Variants in TCF12 observed in about 807,000 individuals in gnomAD.
The protein encoded by TCF12 is DNA-binding protein HTF4.
Under a neutral mutation model 86.0 loss-of-function variants are expected in TCF12, and 45 were observed. The ratio of observed to expected loss-of-function variants is 0.52; its 90% CI spans 0.41 to 0.67. TCF12 has a LOEUF of 0.67. TCF12 is among the 30% of genes least tolerant of loss of function. The pLI is 0.00. For missense variants in TCF12, 881 were observed against 859.9 expected, an observed-to-expected ratio of 1.02 and a Z score of -0.31; for synonymous variants, 330 against 299.6, an observed-to-expected ratio of 1.10 and a Z score of -1.05.
intron 4 of TCF12, among the ~76,000 whole-genome samples, chr15:57,071,441 T>TA (rs1161021134): frequency 2.0e-5 from 3 of 152,032 alleles, no homozygotes; most frequent in Non-Finnish European, 4.4e-5. Context: ...GTCCAGGAGT[T>TA]CAACACCAGC....
At chr15:56,990,151 C>CTTTTTTTTTTTTTTTTTTTTTTTT (rs372235874) in intron 3 of TCF12, among the ~76,000 whole-genome samples, 1 of 92,724 alleles carries the variant, frequency 1.1e-5, no homozygotes, top group Non-Finnish European at 2.2e-5. Flanking sequence ...ATAGTCTTGT[C>CTTTTTTTTTTTTTTTTTTTTTTTT]TTTTTTTTTT....
In TCF12 at chr15:57,197,577, AT is replaced by A. The variant is rs550924084; in HGVS notation, c.527-195del. Among the ~76,000 whole-genome samples the A allele has an allele frequency of 8.2e-4, 125 of 152,306 alleles. 2 individuals carry two copies. The South Asian group carries it at 0.025, about 31-fold the overall frequency. ...TATGGGATATGTATTTTCAGAATGT[AT>A]CACTTTTTTAGGAGAACCTGTTTTT... On this transcript the variant is annotated intron_variant, in intron 7 of 20. Transcript: ENST00000333725.
At chr15:57,219,628 T>C in intron 8 of TCF12, 1 of 1,598,008 alleles carries the variant, frequency 6.3e-7, no homozygotes, top group Non-Finnish European at 8.6e-7. Context: ...AACTCACTTG[T>C]TTAAAGGAAA....
Position 56,919,762 on chromosome 15 carries a change from G to C in TCF12, c.-22-130G>C, listed in dbSNP as rs2059691836. On this transcript the variant is annotated intron_variant, in intron 1 of 20. Coordinates refer to ENST00000333725, the MANE Select transcript of TCF12 (RefSeq NM_207037.2). ...CCCTTGCTCGCGCCGCGGTGGGAGC[G>C]AGTCGGGGTCCTGGAAGTCATCCCG... is the stretch of plus-strand genomic sequence containing the variant. 7.0e-6 allele frequency: 5 copies of C among 713,548 alleles called. 1 individual carries two copies. The South Asian group carries it at 9.9e-5, about 14-fold the overall frequency. 44.2% of individuals were successfully genotyped at this position (713,548 alleles called of 1,614,324 possible).
chr15:57,003,133 A>G (rs984406731), intron 3 of TCF12, among the ~76,000 whole-genome samples: 58 of 152,262 alleles, frequency 3.8e-4, no homozygotes, highest in African/African-American at 1.3e-3. Context: ...CCACTTTTCT[A>G]TGGGTTGAGG....
At chr15:57,144,740 A>G (rs980321593) in intron 5 of TCF12, among the ~76,000 whole-genome samples, 7 of 152,168 alleles carry the variant, frequency 4.6e-5, no homozygotes, top group Admixed American at 1.3e-4. Context: ...CTGGGACTAC[A>G]GTCACACATC....
chr15:57,110,832 G>T (rs1293736998), intron 5 of TCF12, among the ~76,000 whole-genome samples: 1 of 152,154 alleles, frequency 6.6e-6, no homozygotes, highest in Non-Finnish European at 1.5e-5. Context: ...ATGTTAAAAA[G>T]ATTGAAACAC....
chr15:56,925,360 A>T (rs1334549331), intron 3 of TCF12, among the ~76,000 whole-genome samples: 2 of 151,558 alleles, frequency 1.3e-5, no homozygotes, highest in Non-Finnish European at 2.9e-5. Flanking sequence ...CATACCTACA[A>T]TTACTGTTTT....
chr15:56,922,956 T>C (rs1316833849), intron 3 of TCF12, among the ~76,000 whole-genome samples: 1 of 152,002 alleles, frequency 6.6e-6, no homozygotes, highest in African/African-American at 2.4e-5. Flanking sequence ...TGAATAACCT[T>C]CTGCCCTGAT....
At chr15:57,067,703 A>G (rs951603043) in intron 4 of TCF12, among the ~76,000 whole-genome samples, 2 of 152,114 alleles carry the variant, frequency 1.3e-5, no homozygotes, top group African/African-American at 4.8e-5. Context: ...TACTTTTGTT[A>G]GAGTCCTGGT....
intron 5 of TCF12, among the ~76,000 whole-genome samples, chr15:57,104,106 T>C (rs2049949343): frequency 6.6e-6 from 1 of 152,210 alleles, no homozygotes; most frequent in Non-Finnish European, 1.5e-5. Context: ...ATTATTGCAG[T>C]ATGTGTAGAT....
At chr15:56,919,681 CCGCGGCGAGGAA>C (rs1850703710) in intron 1 of TCF12, 199 bp from the exon 2 acceptor site, 2 of 388,680 alleles carry the variant, frequency 5.1e-6, no homozygotes, top group Admixed American at 4.5e-5. Context: ...CGATCTCGGG[CCGCGGCGAGGAA>C]CGCGTGGATT....
At chr15:56,935,722 G>A (rs1352675170) in intron 3 of TCF12, among the ~76,000 whole-genome samples, 2 of 152,058 alleles carry the variant, frequency 1.3e-5, no homozygotes, top group Non-Finnish European at 2.9e-5. Flanking sequence ...GAGAACATAC[G>A]TTGTTTGGTT....
intron 3 of TCF12, among the ~76,000 whole-genome samples, chr15:56,937,982 A>G (rs911943280): frequency 8.9e-5 from 10 of 112,154 alleles, no homozygotes; most frequent in South Asian, 5.7e-4. Context: ...TTTTGCATCT[A>G]TGTTCATCAG....
chr15:57,078,012 A>G (rs1462047220), intron 4 of TCF12, among the ~76,000 whole-genome samples: 1 of 152,176 alleles, frequency 6.6e-6, no homozygotes, highest in Non-Finnish European at 1.5e-5. Context: ...AACTGACACA[A>G]TGCATGGATA....
In TCF12 at chr15:57,014,895, GTTATTA is replaced by G. The variant is rs1178540327; in HGVS notation, c.149-48839_149-48834del. On this transcript the variant is annotated intron_variant, in intron 3 of 20. Transcript: ENST00000333725. ...TATTATTATTATTATTATTATTATT[GTTATTA>G]TTATTATTATTATTAATGTTCTCGT... 1.0e-4 allele frequency among the ~76,000 whole-genome samples: 6 copies of G among 59,632 alleles called. No individual in the cohort carries two copies. The East Asian group carries it at 2.3e-3, about 23-fold the overall frequency. 39.1% of individuals were successfully genotyped at this position (59,632 alleles called of 152,430 possible).
At chr15:57,071,558 C>T (rs1326651201) in intron 4 of TCF12, among the ~76,000 whole-genome samples, 4 of 152,044 alleles carry the variant, frequency 2.6e-5, no homozygotes. Flanking sequence ...TCTCTAGAGC[C>T]CGGGAGGCGG....
rs112336140 is a variant in TCF12 at position 57,015,352 on chromosome 15, G to A, written c.149-48398G>A. ...TAACATAGTGCTAAGTCTCCCACCC[G>A]TTTCCAGATGGCTCAGCCCATGTTT... On this transcript the variant is annotated intron_variant, in intron 3 of 20. Transcript: ENST00000333725. Among the ~76,000 whole-genome samples, 65 of 152,256 alleles carry A rather than the reference G, an allele frequency of 4.3e-4. 4 individuals carry two copies. The South Asian group carries it at 8.3e-3, about 19-fold the overall frequency.
intron 4 of TCF12, among the ~76,000 whole-genome samples, chr15:57,068,498 C>T (rs1043337263): frequency 2.0e-5 from 3 of 152,126 alleles, no homozygotes; most frequent in Non-Finnish European, 4.4e-5. Flanking sequence ...AAATCAATTT[C>T]CCCTCTTCAA....
Sources: gnomAD v4.1 joint callset for allele counts (sites outside exome capture counted in the v4.1 genomes callset) on GRCh38, gnomAD v4.1.1 for gene constraint, MANE v1.5 for transcripts, NCBI Gene and HGNC (gene_info 2026-07-23, HGNC 2026-07-21) for gene names.